The following CSTPP1 variants were observed in gnomAD, a reference collection of about 807,000 sequenced individuals.
CSTPP1 encodes the protein UPF0705 protein C11orf49.
At chr11:46,944,509 T>C in the CSTPP1 span, among the ~76,000 whole-genome samples, 2 of 151,920 alleles carry the variant, frequency 1.3e-5, no homozygotes, top group Non-Finnish European at 2.9e-5. Context: ...GGGAGGGTAA[T>C]TGACTCCTGA....
the CSTPP1 span, among the ~76,000 whole-genome samples, chr11:47,141,023 C>G: frequency 6.6e-6 from 1 of 152,038 alleles, no homozygotes; most frequent in Non-Finnish European, 1.5e-5. Context: ...ATGGTGTGAA[C>G]CTGCAACAAC....
the CSTPP1 span, among the ~76,000 whole-genome samples, chr11:47,133,794 T>G: frequency 6.6e-5 from 10 of 152,338 alleles, no homozygotes; most frequent in Admixed American, 3.9e-4. Flanking sequence ...GGAGCCAGAC[T>G]GCCTGGGTTT....
chr11:46,987,496 C>T, the CSTPP1 span: 1 of 561,170 alleles, frequency 1.8e-6, no homozygotes, highest in Non-Finnish European at 3.2e-6. Flanking sequence ...GCTAGTTTGT[C>T]CAGTGATGTC....
the CSTPP1 span, among the ~76,000 whole-genome samples, chr11:46,952,461 T>C: frequency 1.3e-5 from 2 of 152,210 alleles, no homozygotes; most frequent in South Asian, 2.1e-4. Flanking sequence ...CAGTGTATTT[T>C]TGGTGGTACA....
the CSTPP1 span, among the ~76,000 whole-genome samples, chr11:46,977,146 A>C: frequency 6.6e-6 from 1 of 152,114 alleles, no homozygotes; most frequent in Non-Finnish European, 1.5e-5. Context: ...CGTGTCCCTG[A>C]GTGGTAGTAC....
At chr11:46,965,845 T>C in the CSTPP1 span, among the ~76,000 whole-genome samples, 1 of 152,212 alleles carries the variant, frequency 6.6e-6, no homozygotes, top group Admixed American at 6.5e-5. Flanking sequence ...TAAAACTACA[T>C]CAGTGAACTT....
At chr11:46,975,291 A>G in the CSTPP1 span, among the ~76,000 whole-genome samples, 2 of 152,208 alleles carry the variant, frequency 1.3e-5, no homozygotes, top group African/African-American at 4.8e-5. Flanking sequence ...AAATTTTAAA[A>G]GTTAGAAAAT....
At chr11:47,035,776 T>G in the CSTPP1 span, among the ~76,000 whole-genome samples, 2 of 152,004 alleles carry the variant, frequency 1.3e-5, no homozygotes, top group Non-Finnish European at 2.9e-5. Context: ...TTTTAAAAAT[T>G]TTTCCAATAT....
At chr11:47,053,634 A>AAG in the CSTPP1 span, among the ~76,000 whole-genome samples, 2 of 151,362 alleles carry the variant, frequency 1.3e-5, no homozygotes, top group African/African-American at 4.8e-5. Context: ...AAAAAAAAAA[A>AAG]GAAAAAAGAA....
the CSTPP1 span, among the ~76,000 whole-genome samples, chr11:47,117,824 C>T: frequency 6.7e-6 from 1 of 150,192 alleles, no homozygotes; most frequent in Non-Finnish European, 1.5e-5. Context: ...AGGCTTAGTT[C>T]ATTTCTTTTT....
At chr11:46,955,835 TA>T in the CSTPP1 span, among the ~76,000 whole-genome samples, 4 of 151,610 alleles carry the variant, frequency 2.6e-5, no homozygotes, top group African/African-American at 7.3e-5. Flanking sequence ...CTACTAAAAA[TA>T]AAAAAATTAG....
the CSTPP1 span, chr11:47,138,035 A>G: frequency 2.6e-6 from 1 of 379,174 alleles, no homozygotes; most frequent in Non-Finnish European, 4.7e-6. Flanking sequence ...ACCCTAGAGG[A>G]TATTCTGAGA....
chr11:47,056,191 G>C, the CSTPP1 span, among the ~76,000 whole-genome samples: 1 of 152,144 alleles, frequency 6.6e-6, no homozygotes, highest in Non-Finnish European at 1.5e-5. Flanking sequence ...CATATCCCTA[G>C]AATAGTGTAT....
At chr11:46,975,564 G>A in the CSTPP1 span, among the ~76,000 whole-genome samples, 12 of 152,104 alleles carry the variant, frequency 7.9e-5, no homozygotes, top group South Asian at 2.1e-4. Flanking sequence ...AGCTTTTCTC[G>A]TCTCTTTGGA....
At chr11:47,067,689 A>C in the CSTPP1 span, among the ~76,000 whole-genome samples, 3 of 152,194 alleles carry the variant, frequency 2.0e-5, no homozygotes, top group African/African-American at 7.2e-5. Flanking sequence ...CTCTGCTGGC[A>C]CCTTGATCTC....
chr11:47,118,715 G>A, the CSTPP1 span, among the ~76,000 whole-genome samples: 1 of 152,218 alleles, frequency 6.6e-6, no homozygotes, highest in African/African-American at 2.4e-5. Flanking sequence ...AGGTCCCTCA[G>A]CTGCAGGTCT....
At chr11:47,082,238 T>C in the CSTPP1 span, among the ~76,000 whole-genome samples, 1 of 149,852 alleles carries the variant, frequency 6.7e-6, no homozygotes, top group Admixed American at 6.6e-5. Context: ...GAAGGGAAGA[T>C]GTTTCTAAGA....
chr11:47,161,233 G>A, the CSTPP1 span: 74 of 1,613,894 alleles, frequency 4.6e-5, no homozygotes, highest in Non-Finnish European at 5.6e-5. Context: ...GTGGGGGCCA[G>A]ACGGGTCGGA....
At chr11:47,016,495 C>T in the CSTPP1 span, among the ~76,000 whole-genome samples, 1 of 150,670 alleles carries the variant, frequency 6.6e-6, no homozygotes, top group East Asian at 1.9e-4. Flanking sequence ...TGTATTCCAG[C>T]AAAGAACAAT....
Sources: allele counts gnomAD v4.1 joint callset (sites outside exome capture counted in the v4.1 genomes callset), GRCh38; gene constraint gnomAD v4.1.1; transcripts MANE v1.5; gene names NCBI Gene and HGNC (gene_info 2026-07-23, HGNC 2026-07-21).